FABP6: variants seen among roughly 807,000 people sequenced by gnomAD.
FABP6 encodes the protein fatty acid binding protein 6, also known as gastrotropin.
In FABP6, 13 loss-of-function variants were observed where a neutral mutation model predicts 14.9. The ratio of observed to expected loss-of-function variants is 0.87; its 90% confidence interval spans 0.57 to 1.39. The LOEUF (loss-of-function observed/expected upper bound fraction) is 1.39, where lower values mean the gene tolerates loss of function less well. Ranked by LOEUF, FABP6 falls within the 40% of genes most tolerant of loss-of-function variation. FABP6 has a pLI of 0.00. For missense variants in FABP6, 161 were observed against 167.2 expected, an observed-to-expected ratio of 0.96 and a Z score of 0.20; for synonymous variants, 75 against 63.6, an observed-to-expected ratio of 1.18 and a Z score of -0.85.
At position 160,231,787 on chromosome 5, in the gene FABP6, C is replaced by A. The variant is rs535284657; in HGVS notation, c.68-311C>A. Among the ~76,000 whole-genome samples the A allele has an allele frequency of 2.0e-5, 3 of 152,276 alleles. No homozygotes were observed. In the East Asian group the frequency reaches 5.8e-4, roughly 29 times the overall value. On this transcript the variant is annotated intron_variant, in intron 1 of 3. Transcript: ENST00000402432. ...CAGAAGCTTGGTTATTATTGATGAG[C>A]ACCCACCATGTGCCAGGAGCTTCAC... is the stretch of plus-strand genomic sequence containing the variant.
chr5:160,226,575 C>T (rs1014896883), upstream of FABP6, among the ~76,000 whole-genome samples: 1 of 151,926 alleles, frequency 6.6e-6, no homozygotes, highest in African/African-American at 2.4e-5. Context: ...CACTGGGGCT[C>T]TGTGACTTTG....
rs1760142828 is a variant in FABP6, at chr5:160,222,153, T to C, written c.136-7393T>C. Among the ~76,000 whole-genome samples the C allele has an allele frequency of 2.0e-5, 3 of 151,012 alleles. No homozygotes were observed. In the South Asian group the frequency reaches 6.3e-4, roughly 32 times the overall value. On this transcript the variant is annotated intron_variant, in intron 3 of 6. Coordinates refer to the FABP6 transcript ENST00000393980. ...CTGTCACCCAGGCTGAATGCAGTAT[T>C]GCAATCATAGCTCACTGAAGCCTCA... is the stretch of plus-strand genomic sequence containing the variant.
chr5:160,208,626 T>C (rs1449719753), intron 2 of FABP6, among the ~76,000 whole-genome samples: 1 of 151,892 alleles, frequency 6.6e-6, no homozygotes, highest in African/African-American at 2.4e-5. Context: ...TAAGAGTGGA[T>C]TAGTTATCAT....
At chr5:160,235,969 G>A (rs1251242784) in intron 3 of FABP6, among the ~76,000 whole-genome samples, 1 of 151,112 alleles carries the variant, frequency 6.6e-6, no homozygotes, top group African/African-American at 2.4e-5. Flanking sequence ...GAGGGCCCCC[G>A]TCCTGGTTTC....
chr5:160,230,123 T>C (rs1760345721), intron 1 of FABP6, among the ~76,000 whole-genome samples: 1 of 151,648 alleles, frequency 6.6e-6, no homozygotes, highest in Admixed American at 6.6e-5. Context: ...CCTCAGGTGA[T>C]CCACCCAGCT....
At chr5:160,223,225 GTTA>G (rs1290051461) in intron 3 of FABP6, among the ~76,000 whole-genome samples, 11 of 152,088 alleles carry the variant, frequency 7.2e-5, no homozygotes, top group African/African-American at 2.7e-4. Context: ...TTCAAGCTTT[GTTA>G]TTATTTTTAT....
At chr5:160,225,750 G>A (rs887015639), upstream of FABP6, among the ~76,000 whole-genome samples, 1 of 152,126 alleles carries the variant, frequency 6.6e-6, no homozygotes, top group Non-Finnish European at 1.5e-5. Context: ...AACTAATGCT[G>A]GGTGAAGAAA....
chr5:160,202,566 G>T (rs1324070722), intron 2 of FABP6, among the ~76,000 whole-genome samples: 1 of 152,146 alleles, frequency 6.6e-6, no homozygotes, highest in Non-Finnish European at 1.5e-5. Context: ...GGAGGACAAG[G>T]CAGGCAAATC....
At chr5:160,191,312 A>C (rs7735486) in intron 1 of FABP6, among the ~76,000 whole-genome samples, 2,751 of 151,956 alleles carry the variant, frequency 0.018, 87 homozygotes, top group African/African-American at 0.063. Context: ...CTAAAAATAC[A>C]AAAAATTAGC....
intron 3 of FABP6, among the ~76,000 whole-genome samples, chr5:160,236,701 G>T (rs1760524072): frequency 6.6e-6 from 1 of 151,960 alleles, no homozygotes; most frequent in Non-Finnish European, 1.5e-5. Context: ...TCTGGGTGTG[G>T]TGGCTCAAGC....
chr5:160,230,964 T>C (rs989754381), intron 1 of FABP6, among the ~76,000 whole-genome samples: 4 of 152,250 alleles, frequency 2.6e-5, no homozygotes, highest in Non-Finnish European at 5.9e-5. Context: ...AACACCAGTC[T>C]GTTGTGAGGA....
At chr5:160,212,630 G>A (rs555876884) in intron 2 of FABP6, among the ~76,000 whole-genome samples, 8 of 151,802 alleles carry the variant, frequency 5.3e-5, no homozygotes, top group African/African-American at 1.9e-4. Flanking sequence ...CACCACGCCT[G>A]GCTAATTTTT....
chr5:160,223,433 C>CT (rs1440918186), intron 3 of FABP6, among the ~76,000 whole-genome samples: 13 of 126,244 alleles, frequency 1.0e-4, no homozygotes, highest in African/African-American at 2.1e-4. Context: ...TTACTTCTTC[C>CT]TTTTTTTTTG....
At chr5:160,193,845 C>T (rs559020561) in intron 1 of FABP6, among the ~76,000 whole-genome samples, 15 of 152,382 alleles carry the variant, frequency 9.8e-5, no homozygotes, top group Non-Finnish European at 1.3e-4. Context: ...CAGTGGATCC[C>T]GCACCAGGGT....
intron 1 of FABP6, among the ~76,000 whole-genome samples, chr5:160,193,443 G>A (rs2080953): frequency 0.66 from 99,984 of 151,762 alleles, 33,069 homozygotes; most frequent in East Asian, 0.78. Context: ...ACCCGAGCGG[G>A]TTGCGACTGC....
chr5:160,228,804 C>T (rs1760306597), upstream of FABP6: 2 of 286,682 alleles, frequency 7.0e-6, no homozygotes, highest in South Asian at 7.0e-5. Context: ...CTCATTGTTT[C>T]CTTTCATCAT....
In FABP6 at chr5:160,232,337, A is replaced by C. The variant is rs184541600; in HGVS notation, c.243+64A>C. On this transcript the variant is annotated intron_variant, in intron 2 of 3. Coordinates refer to ENST00000402432, the MANE Select transcript of FABP6 (RefSeq NM_001445.3). ...TCCATCTGACTTCTCCTTCTCAAAC[A>C]TGGCCTCCCCGCTCCCGAGCTGAGG... The C allele has an allele frequency of 2.1e-5, 31 of 1,464,128 alleles. No individual in the cohort carries two copies. The South Asian group carries it at 3.8e-4, about 18-fold the overall frequency. The allele number at this position is 1,464,128 out of a possible 1,614,324, so 90.7% of individuals were successfully genotyped here.
intron 3 of FABP6, among the ~76,000 whole-genome samples, chr5:160,220,008 C>T (rs1760098490): frequency 6.6e-6 from 1 of 152,108 alleles, no homozygotes; most frequent in Non-Finnish European, 1.5e-5. Context: ...GTGAAATCAA[C>T]ACTATCCCAG....
At chr5:160,222,233 T>C (rs1760144526) in intron 3 of FABP6, among the ~76,000 whole-genome samples, 3 of 151,762 alleles carry the variant, frequency 2.0e-5, no homozygotes, top group South Asian at 4.2e-4. Context: ...GCTGGTACCA[T>C]AGGCACATGC....
Sources: gnomAD v4.1 joint callset for allele counts (sites outside exome capture counted in the v4.1 genomes callset) on GRCh38, gnomAD v4.1.1 for gene constraint, MANE v1.5 for transcripts, NCBI Gene and HGNC (gene_info 2026-07-23, HGNC 2026-07-21) for gene names.